NETO1: variants seen among roughly 807,000 people sequenced by gnomAD.
NETO1 encodes neuropilin and tolloid-like protein 1.
Under a neutral mutation model 61.3 loss-of-function variants are expected in NETO1, and 26 were observed. The ratio of observed to expected loss-of-function variants is 0.42; its 90% CI spans 0.31 to 0.59. The LOEUF is 0.59. Among genes scored for constraint, NETO1 ranks in the 20% least tolerant of loss-of-function variants. The probability of loss-of-function intolerance (pLI) is 0.12; values close to 1 mark genes in which losing one functional copy is unlikely to be tolerated. For missense variants in NETO1, 531 were observed against 662.8 expected (o/e 0.80, Z 2.18); for synonymous variants, 225 against 225.8 (o/e 1.00, Z 0.03).
In NETO1 at chr18:72,841,343, T is replaced by C. The variant is rs552854195; in HGVS notation, c.469+17483A>G. Among the ~76,000 whole-genome samples the C allele has an allele frequency of 2.2e-4, 33 of 152,180 alleles. 1 individual carries two copies. The South Asian group carries it at 6.6e-3, about 31-fold the overall frequency. On this transcript the variant is annotated intron_variant, in intron 4 of 10. Transcript: ENST00000327305. ...CGGTGAGAGAAGAAGCTGCACAGGA[T>C]CCTTTCGAACAGGTTACACTTACAG...
At chr18:72,775,143 A>G (rs1217116162) in intron 7 of NETO1, among the ~76,000 whole-genome samples, 1 of 152,224 alleles carries the variant, frequency 6.6e-6, no homozygotes, top group African/African-American at 2.4e-5. Flanking sequence ...CAGCAGTATT[A>G]TACCTATGGG....
chr18:72,810,272 C>A (rs1283057018), intron 4 of NETO1, among the ~76,000 whole-genome samples: 2 of 152,128 alleles, frequency 1.3e-5, no homozygotes, highest in Admixed American at 6.5e-5. Context: ...TTTGAACGGG[C>A]ATCTGAAACC....
intron 7 of NETO1, among the ~76,000 whole-genome samples, chr18:72,773,096 T>C (rs2071430370): frequency 6.6e-6 from 1 of 151,880 alleles, no homozygotes; most frequent in East Asian, 1.9e-4. Context: ...TGTGCTAGGC[T>C]TTCTGCTATT....
At chr18:72,847,489 A>C (rs1050597990) in intron 4 of NETO1, among the ~76,000 whole-genome samples, 2 of 152,254 alleles carry the variant, frequency 1.3e-5, no homozygotes, top group African/African-American at 4.8e-5. Flanking sequence ...AGAGCCTTAA[A>C]GAGTGCCAGG....
intron 4 of NETO1, among the ~76,000 whole-genome samples, chr18:72,820,350 T>C (rs957788609): frequency 1.2e-4 from 19 of 152,206 alleles, no homozygotes; most frequent in African/African-American, 4.3e-4. Flanking sequence ...GATTCACATG[T>C]TGGAAACCAT....
chr18:72,785,616 G>A (rs1386144803), intron 6 of NETO1, among the ~76,000 whole-genome samples: 3 of 152,128 alleles, frequency 2.0e-5, no homozygotes, highest in African/African-American at 4.8e-5. Flanking sequence ...GTATACATGT[G>A]CCATGTTGGT....
At chr18:72,815,695 T>A (rs1458262492) in intron 4 of NETO1, among the ~76,000 whole-genome samples, 1 of 152,198 alleles carries the variant, frequency 6.6e-6, no homozygotes, top group Non-Finnish European at 1.5e-5. Context: ...TCCTGTCCGC[T>A]GCTGACACTA....
intron 4 of NETO1, among the ~76,000 whole-genome samples, chr18:72,828,319 A>G (rs1300976632): frequency 3.3e-5 from 5 of 152,204 alleles, no homozygotes; most frequent in African/African-American, 1.2e-4. Flanking sequence ...TCAAGAAAAA[A>G]AAAAAGCAAA....
At chr18:72,821,477 A>G (rs7232266) in intron 4 of NETO1, among the ~76,000 whole-genome samples, 68,838 of 149,120 alleles carry the variant, frequency 0.46, 17,506 homozygotes, top group African/African-American at 0.68. Context: ...AGGCAGGAGA[A>G]TCGCTTGAAC....
chr18:72,818,037 A>G (rs2073080630), intron 4 of NETO1, among the ~76,000 whole-genome samples: 1 of 152,196 alleles, frequency 6.6e-6, no homozygotes, highest in Non-Finnish European at 1.5e-5. Flanking sequence ...AATCTTGCAC[A>G]TGAAATCATC....
intron 7 of NETO1, among the ~76,000 whole-genome samples, chr18:72,778,006 G>A (rs1260661125): frequency 6.6e-6 from 1 of 152,162 alleles, no homozygotes; most frequent in Admixed American, 6.5e-5. Context: ...TGAAACATAG[G>A]TGAAGGCAGC....
intron 2 of NETO1, 48 bp downstream of exon 2, chr18:72,865,140 A>G: frequency 1.9e-6 from 3 of 1,558,410 alleles, no homozygotes; most frequent in Non-Finnish European, 2.6e-6. Context: ...ATAGGAAAAT[A>G]CAAAATAATT....
At chr18:72,867,003 C>T (rs4433898) in intron 1 of NETO1, 268,296 of 443,430 alleles carry the variant, frequency 0.61, 82,357 homozygotes, top group East Asian at 0.74. Flanking sequence ...TGCACGCTAT[C>T]CTCCACCCCC....
chr18:72,765,507 T>C (rs557893185), intron 7 of NETO1, among the ~76,000 whole-genome samples: 2 of 152,242 alleles, frequency 1.3e-5, no homozygotes, highest in South Asian at 4.2e-4. Context: ...CAACTTCTGC[T>C]GCCCAGGTTC....
chr18:72,847,389 A>G (rs1034024125), intron 4 of NETO1, among the ~76,000 whole-genome samples: 6 of 152,184 alleles, frequency 3.9e-5, no homozygotes, highest in African/African-American at 1.4e-4. Flanking sequence ...GAGCTGTGGA[A>G]TGGTGGGAAG....
chr18:72,837,699 T>G (rs1259806174), intron 4 of NETO1, among the ~76,000 whole-genome samples: 1 of 152,212 alleles, frequency 6.6e-6, no homozygotes, highest in African/African-American at 2.4e-5. Flanking sequence ...TATTACTTTA[T>G]TTCCAATTAT....
intron 3 of NETO1, among the ~76,000 whole-genome samples, chr18:72,862,714 G>A (rs1054597451): frequency 2.7e-5 from 4 of 148,020 alleles, no homozygotes; most frequent in African/African-American, 7.5e-5. Context: ...TCCGCCTCCC[G>A]GGTTCACGCC....
intron 7 of NETO1, among the ~76,000 whole-genome samples, chr18:72,757,697 A>G (rs1363014603): frequency 6.6e-6 from 1 of 152,194 alleles, no homozygotes; most frequent in Non-Finnish European, 1.5e-5. Flanking sequence ...TAAACCTTTC[A>G]TAATGTAAAA....
chr18:72,778,429 A>G (rs2071630025), intron 7 of NETO1, among the ~76,000 whole-genome samples: 1 of 152,128 alleles, frequency 6.6e-6, no homozygotes, highest in East Asian at 1.9e-4. Context: ...TTGCATCTCT[A>G]AATCTTTTCT....
Sources: gnomAD v4.1 joint callset for allele counts (sites outside exome capture counted in the v4.1 genomes callset) on GRCh38, gnomAD v4.1.1 for gene constraint, MANE v1.5 for transcripts, NCBI Gene and HGNC (gene_info 2026-07-23, HGNC 2026-07-21) for gene names.